The following GALNT17 variants were observed in gnomAD, a reference collection of about 807,000 sequenced individuals.
GALNT17 encodes UDP-GalNAc:polypeptide N-acetylgalactosaminyltransferase-like 3.
Under a neutral mutation model 63.7 loss-of-function variants are expected in GALNT17, and 29 were observed. That is an observed-to-expected ratio of 0.46 (90% CI 0.34 to 0.62). GALNT17 has a LOEUF of 0.62. Ranked by LOEUF, GALNT17 falls within the 20% of genes least tolerant of loss-of-function variation. GALNT17 has a pLI of 0.01. For missense variants in GALNT17, 603 were observed against 799.6 expected (o/e 0.75, Z 2.97); for synonymous variants, 305 against 318.3 (o/e 0.96, Z 0.45).
chr7:71,133,075 G>A, intron 1 of GALNT17, 35 bp downstream of exon 1: 1 of 1,482,452 alleles, frequency 6.7e-7, no homozygotes, highest in Non-Finnish European at 8.9e-7. Flanking sequence ...GGGGCTCGAC[G>A]CGGGCGGGCC....
chr7:71,402,619 G>A (rs920723619), intron 3 of GALNT17, among the ~76,000 whole-genome samples: 18 of 151,990 alleles, frequency 1.2e-4, no homozygotes, highest in Admixed American at 1.2e-3. Flanking sequence ...ATACTTCCCT[G>A]TACGACAAGC....
intron 5 of GALNT17, among the ~76,000 whole-genome samples, chr7:71,485,920 C>T (rs1787900492): frequency 6.6e-6 from 1 of 152,154 alleles, no homozygotes; most frequent in Non-Finnish European, 1.5e-5. Flanking sequence ...CTAATTGTTA[C>T]GTTTCTCTGA....
At chr7:71,158,080 A>G (rs921986326) in intron 1 of GALNT17, among the ~76,000 whole-genome samples, 4 of 151,808 alleles carry the variant, frequency 2.6e-5, no homozygotes, top group Non-Finnish European at 5.9e-5. Context: ...TAGTGCTGCA[A>G]TAAACAAGGG....
At chr7:71,301,275 A>C (rs1333601435) in intron 1 of GALNT17, among the ~76,000 whole-genome samples, 2 of 151,444 alleles carry the variant, frequency 1.3e-5, no homozygotes, top group East Asian at 3.9e-4. Flanking sequence ...TGACAGAGTG[A>C]GACCCTGCCT....
chr7:71,466,689 A>G (rs1177212392), intron 5 of GALNT17, among the ~76,000 whole-genome samples: 3 of 152,156 alleles, frequency 2.0e-5, no homozygotes, highest in Admixed American at 2.0e-4. Context: ...TTTGGCTTCC[A>G]CAGTCCTCAT....
rs577072725 is a variant in GALNT17, at chr7:71,156,273, A to G, written c.238+23233A>G. ...TTGAACACCTACCAAAGATAAGGGC[A>G]TAGAGCAGGCTAGGGCTTCCCATGC... On this transcript the variant is annotated intron_variant, in intron 1 of 10. Transcript: ENST00000333538. Among the ~76,000 whole-genome samples the G allele has an allele frequency of 3.3e-5, 5 of 151,928 alleles. No homozygotes were observed. In the East Asian group the frequency reaches 9.7e-4, roughly 29 times the overall value.
chr7:71,314,238 T>C (rs1040347876), intron 1 of GALNT17, among the ~76,000 whole-genome samples: 9 of 152,028 alleles, frequency 5.9e-5, no homozygotes, highest in African/African-American at 2.2e-4. Flanking sequence ...ATATTGAGTG[T>C]GTGTGTGAGT....
intron 1 of GALNT17, among the ~76,000 whole-genome samples, chr7:71,194,438 C>G (rs147084019): frequency 1.6e-4 from 25 of 152,240 alleles, no homozygotes; most frequent in African/African-American, 6.0e-4. Context: ...GTTAGAGCAT[C>G]ATGGTCAAAT....
intron 7 of GALNT17, among the ~76,000 whole-genome samples, chr7:71,667,879 A>AT (rs556139156): frequency 3.0e-4 from 46 of 151,728 alleles, no homozygotes; most frequent in African/African-American, 1.0e-3. Flanking sequence ...GGTTCCCTGT[A>AT]ACCTCCGTCT....
chr7:71,641,300 G>C (rs1790599539), intron 6 of GALNT17, among the ~76,000 whole-genome samples: 1 of 152,196 alleles, frequency 6.6e-6, no homozygotes, highest in South Asian at 2.1e-4. Context: ...CTTAATAGGT[G>C]TGTGTCTTGG....
intron 9 of GALNT17, among the ~76,000 whole-genome samples, chr7:71,709,374 G>A (rs1166498024): frequency 1.3e-5 from 2 of 152,144 alleles, no homozygotes; most frequent in Non-Finnish European, 2.9e-5. Context: ...GAGAGTGTCT[G>A]TTCATGTCCT....
chr7:71,397,278 A>G (rs567120233), intron 3 of GALNT17, among the ~76,000 whole-genome samples: 1 of 152,274 alleles, frequency 6.6e-6, no homozygotes, highest in South Asian at 2.1e-4. Flanking sequence ...TAAACATGGG[A>G]CTCACCATAG....
At chr7:71,250,563 A>C (rs1465458097) in intron 1 of GALNT17, among the ~76,000 whole-genome samples, 1 of 152,166 alleles carries the variant, frequency 6.6e-6, no homozygotes, top group Non-Finnish European at 1.5e-5. Context: ...AGCTCGCCCC[A>C]AAACCCTTCT....
intron 2 of GALNT17, among the ~76,000 whole-genome samples, chr7:71,353,850 A>G (rs1792231499): frequency 6.6e-6 from 1 of 152,170 alleles, no homozygotes. Context: ...AGGCTGGGTA[A>G]TTTACAAATA....
chr7:71,192,835 T>C (rs1788977215), intron 1 of GALNT17, among the ~76,000 whole-genome samples: 1 of 152,204 alleles, frequency 6.6e-6, no homozygotes, highest in African/African-American at 2.4e-5. Context: ...CTGTTAGCCA[T>C]GGTAGTGGCT....
intron 5 of GALNT17, among the ~76,000 whole-genome samples, chr7:71,510,975 T>C (rs10236302): frequency 0.98 from 148,777 of 152,152 alleles, 72,757 homozygotes; most frequent in East Asian, 1. Flanking sequence ...GAGTTCCAGA[T>C]CAGCCTGGGC....
chr7:71,264,097 C>T (rs10282115), intron 1 of GALNT17, among the ~76,000 whole-genome samples: 1,624 of 152,160 alleles, frequency 0.011, 27 homozygotes, highest in African/African-American at 0.037. Flanking sequence ...CTCAGCAGGC[C>T]CTCCTATTAG....
intron 5 of GALNT17, among the ~76,000 whole-genome samples, chr7:71,552,810 C>T (rs1047474615): frequency 6.6e-6 from 1 of 152,108 alleles, no homozygotes; most frequent in African/African-American, 2.4e-5. Context: ...TACCAGGTTG[C>T]CCATTATTAG....
intron 9 of GALNT17, among the ~76,000 whole-genome samples, chr7:71,700,729 T>G (rs569898326): frequency 6.6e-6 from 1 of 152,340 alleles, no homozygotes; most frequent in African/African-American, 2.4e-5. Flanking sequence ...CTTCAATGCC[T>G]TCTCCTCTGG....
Sources: allele counts gnomAD v4.1 joint callset (sites outside exome capture counted in the v4.1 genomes callset), GRCh38; gene constraint gnomAD v4.1.1; transcripts MANE v1.5; gene names NCBI Gene and HGNC (gene_info 2026-07-23, HGNC 2026-07-21).